The following CROCC2 variants were observed in gnomAD, a reference collection of about 807,000 sequenced individuals.
The protein encoded by CROCC2 is ciliary rootlet coiled-coil protein 2.
In CROCC2, 163 loss-of-function variants were observed where a neutral mutation model predicts 177.6. That is an observed-to-expected ratio of 0.92 (90% confidence interval 0.81 to 1.05). The LOEUF is 1.05. CROCC2 is among the 50% of genes least tolerant of loss of function. The pLI is 0.00. For synonymous variants in CROCC2, 904 were observed against 787.3 expected (o/e 1.15, Z -2.48); for missense variants, 1,929 against 1,797.8 (o/e 1.07, Z -1.32).
intron 18 of CROCC2, among the ~76,000 whole-genome samples, chr2:240,952,240 G>A (rs1187067978): frequency 1.3e-5 from 2 of 150,886 alleles, no homozygotes; most frequent in Non-Finnish European, 2.9e-5. Context: ...CCAGCTACTC[G>A]GGAGGCTGAG....
At chr2:240,922,487 G>C (rs4514870) in intron 3 of CROCC2, 52 bp from the exon 4 acceptor site, 282,698 of 652,496 alleles carry the variant, frequency 0.43, 64,139 homozygotes, top group Admixed American at 0.51. Context: ...CCCAGCCCCT[G>C]CCTGGCGGGT....
intron 11 of CROCC2, 135 bp downstream of exon 11, chr2:240,933,987 G>A: frequency 1.0e-6 from 1 of 979,924 alleles, no homozygotes; most frequent in Non-Finnish European, 1.5e-6. Context: ...GCCCTAACAG[G>A]GCAGGGGCGG....
rs2059733652 is a variant in CROCC2 at position 240,973,114 on chromosome 2, C to G, written c.4401+4852C>G. On this transcript the variant is annotated intron_variant, in intron 27 of 31. Transcript: ENST00000690015. The surrounding 1 kb of genome is among the most constrained non-coding windows in gnomAD (Gnocchi z 4.7). Reference sequence around the variant, plus strand: ...CCTTTGACACAACTTCTTTTGCTTTCATGGGTTGGTTTTTCCCCTGTTTCA... The same window carrying G: ...CCTTTGACACAACTTCTTTTGCTTTGATGGGTTGGTTTTTCCCCTGTTTCA... Among the ~76,000 whole-genome samples the G allele has an allele frequency of 6.6e-6, 1 of 152,214 alleles. No homozygotes were observed. Among genetic ancestry groups the G allele is most frequent in the Non-Finnish European group, 1.5e-5 (1 of 68,036 alleles).
intron 3 of CROCC2, among the ~76,000 whole-genome samples, 174 bp from the exon 4 acceptor site, chr2:240,922,365 G>C (rs996256415): frequency 6.6e-6 from 1 of 152,228 alleles, no homozygotes; most frequent in East Asian, 1.9e-4. Context: ...GCCACCTGTC[G>C]GGTTCATTGT....
At position 240,946,250 on chromosome 2, in the gene CROCC2, T is replaced by G; in HGVS notation, c.2360T>G (p.Leu787Arg). 1 of 1,527,454 alleles carries G rather than the reference T, an allele frequency of 6.5e-7. No individual in the cohort carries two copies. Among genetic ancestry groups the G allele is most frequent in the South Asian group, 1.2e-5 (1 of 82,798 alleles). The allele number at this position is 1,527,454 out of a possible 1,614,324, so 94.6% of individuals were successfully genotyped here. ...GRLAAEEAAD[L>R]RVERDSLESS... The stretch of plus-strand genomic sequence containing the variant: ...CTCGCAGCTGAAGAGGCAGCTGATC[T>G]CAGGTATGCAAGGGCCTGCCAGTCA... Residue 787 changes from leucine (L) to arginine (R), a missense_variant, in exon 15 of 32, where the codon CTC (leucine) becomes CGC (arginine). Leu to Arg is a moderately radical substitution (Grantham distance 102). This residue lies in a region of CROCC2 where 1,397 missense variants were observed against 1,239.9 expected (regional missense o/e 1.13). Transcript: ENST00000690015.
chr2:240,937,452 C>G (rs1440875515), intron 14 of CROCC2, among the ~76,000 whole-genome samples: 1 of 152,114 alleles, frequency 6.6e-6, no homozygotes, highest in Non-Finnish European at 1.5e-5. Context: ...TGACTATTTT[C>G]CCCAAGGTTG....
chr2:240,919,187 C>T (rs1405453463), intron 2 of CROCC2, among the ~76,000 whole-genome samples: 1 of 152,020 alleles, frequency 6.6e-6, no homozygotes, highest in Non-Finnish European at 1.5e-5. Context: ...GCGTGGGGGA[C>T]AGTCCTGGGC....
rs754121772 is a variant in CROCC2 at position 240,988,822 on chromosome 2, C to T, written c.4635C>T (p.Ser1545=). 19 of 1,511,542 alleles carry T rather than the reference C, an allele frequency of 1.3e-5. No individual in the cohort carries two copies. The South Asian group carries it at 2.2e-4, about 17-fold the overall frequency. 93.6% of individuals were successfully genotyped at this position (1,511,542 alleles called of 1,614,324 possible). Reference sequence around the variant, plus strand: ...AGCAGCTGGACCAGTCTCTGAACAGCCTGCACCAGGAGGTGGACGGAGCCC... The same window carrying T: ...AGCAGCTGGACCAGTCTCTGAACAGTCTGCACCAGGAGGTGGACGGAGCCC... ...EKEQLDQSLN[S]LHQEVDGALR... is the part of the protein sequence containing the mutation. Residue 1545 remains serine, a synonymous_variant, in exon 29 of 32, where the codon AGC becomes AGT. Coordinates refer to ENST00000690015, the MANE Select transcript of CROCC2 (RefSeq NM_001351305.2).
At position 240,965,713 on chromosome 2, in the gene CROCC2, C is replaced by T. The variant is rs1218955656; in HGVS notation, c.3681C>T (p.Leu1227=). 1 of 1,547,830 alleles carries T rather than the reference C, an allele frequency of 6.5e-7. No homozygotes were observed. The highest frequency in any genetic ancestry group is 2.0e-5 in the Admixed American group (1 of 50,652). Residue 1227 remains leucine, a synonymous_variant, in exon 24 of 32, where the codon CTC becomes CTT. Coordinates refer to ENST00000690015, the MANE Select transcript of CROCC2 (RefSeq NM_001351305.2). ...EAHGQRLQEH[L]RESRGAEQTL... ...ATGGACAGCGGCTCCAGGAGCACCT[C>T]CGTGAGAGCCGGGGGGCTGAGCAGA...
In CROCC2 at chr2:240,922,609, A is replaced by G. The variant is rs1049148070; in HGVS notation, c.452A>G (p.Glu151Gly). The part of the protein sequence containing the change: ...RSELEHSVDL[E>G]EALGRLEAAE... ...GAGCTGGAGCACAGCGTGGATCTGG[A>G]GGAGGCCCTTGGCCGTCTGGAGGCT... Residue 151 changes from glutamate (E) to glycine (G), a missense_variant, in exon 4 of 32, where the codon GAG becomes GGG. By Grantham distance (98) the Glu-to-Gly change is moderately conservative (BLOSUM62 -2). Transcript: ENST00000690015. 2 of 679,278 alleles carry G rather than the reference A, an allele frequency of 2.9e-6. No homozygotes were observed. Among genetic ancestry groups the G allele is most frequent in the Non-Finnish European group, 5.5e-6 (2 of 363,156 alleles). 42.1% of individuals were successfully genotyped at this position (679,278 alleles called of 1,614,324 possible). A position where few individuals can be genotyped will look rare whatever the true frequency, so the allele number is the denominator to read the frequency against.
chr2:240,928,241 G>A (rs1479801492), intron 5 of CROCC2, among the ~76,000 whole-genome samples: 1 of 152,158 alleles, frequency 6.6e-6, no homozygotes, highest in Non-Finnish European at 1.5e-5. Flanking sequence ...GATGCCAAGG[G>A]GCTCTAACAG....
chr2:240,948,527 G>A (rs1359392400), intron 15 of CROCC2, among the ~76,000 whole-genome samples: 2 of 152,234 alleles, frequency 1.3e-5, no homozygotes, highest in Non-Finnish European at 2.9e-5. Context: ...CCAGCACAGG[G>A]CAGCGAACAG....
At chr2:240,925,086 T>A (rs2059387294) in intron 4 of CROCC2, among the ~76,000 whole-genome samples, 1 of 151,566 alleles carries the variant, frequency 6.6e-6, no homozygotes, top group South Asian at 2.1e-4. Flanking sequence ...GGAGGTTAAG[T>A]TGTCTATAGA....
chr2:240,925,573 G>A lies in CROCC2; in HGVS notation c.489-151G>A, dbSNP rs368346829. On this transcript the variant is annotated intron_variant, in intron 4 of 31. Transcript: ENST00000690015. ...GTCCTTTGTGGGGCCCATGGCAGGT[G>A]GGGGCAGAGCAGCGGCTGTGCACCT... 4 of 600,390 alleles carry A rather than the reference G, an allele frequency of 6.7e-6. No individual in the cohort carries two copies. In the African/African-American group the frequency reaches 7.5e-5, roughly 11 times the overall value. 37.2% of individuals were successfully genotyped at this position (600,390 alleles called of 1,614,324 possible).
At position 240,955,845 on chromosome 2, in the gene CROCC2, C is replaced by A; in HGVS notation, c.2830-14C>A. ...CTCCCCAACTTTCTCACAAGCATACCCCGTCCTGTTCAGGCCCTGTCCCTG... is the reference window on the plus strand; with the variant it reads ...CTCCCCAACTTTCTCACAAGCATACACCGTCCTGTTCAGGCCCTGTCCCTG... On this transcript the variant is annotated splice_polypyrimidine_tract_variant and intron_variant, in intron 18 of 31. Transcript: ENST00000690015. 1 of 1,526,576 alleles carries A rather than the reference C, an allele frequency of 6.6e-7. No homozygotes were observed. Among genetic ancestry groups the A allele is most frequent in the South Asian group, 1.2e-5 (1 of 83,802 alleles). 94.6% of individuals were successfully genotyped at this position (1,526,576 alleles called of 1,614,324 possible).
At chr2:240,944,232 A>G (rs1274463603) in intron 14 of CROCC2, among the ~76,000 whole-genome samples, 1 of 152,132 alleles carries the variant, frequency 6.6e-6, no homozygotes, top group Admixed American at 6.5e-5. Flanking sequence ...TTTGTTTTTT[A>G]AAAAACATTT....
intron 28 of CROCC2, among the ~76,000 whole-genome samples, chr2:240,986,554 A>G (rs1207123933): frequency 6.6e-6 from 1 of 151,972 alleles, no homozygotes; most frequent in Non-Finnish European, 1.5e-5. Context: ...ACCCATCCAC[A>G]AGCTCCCACC....
chr2:240,950,341 T>C lies in CROCC2; in HGVS notation c.2660T>C (p.Leu887Pro), dbSNP rs370151978. The C allele has an allele frequency of 1.0e-5, 16 of 1,549,590 alleles. No homozygotes were observed. The East Asian group carries it at 2.0e-4, about 19-fold the overall frequency. ...CCCTTTACCTTGGCCCAGGAGACCCTGAGCCTGACCCTGGCAGAGGAGAAG... is the reference window on the plus strand; with the variant it reads ...CCCTTTACCTTGGCCCAGGAGACCCCGAGCCTGACCCTGGCAGAGGAGAAG... ...LAQLQREKET[L>P]SLTLAEEKEV... Residue 887 changes from leucine to proline, a missense_variant, in exon 18 of 32, where the codon CTG becomes CCG. Leu to Pro is a moderately conservative substitution (Grantham distance 98, BLOSUM62 -3). Transcript: ENST00000690015.
At position 240,933,122 on chromosome 2, in the gene CROCC2, C is replaced by T. The variant is rs1574758835; in HGVS notation, c.1252-9C>T. 6.5e-7 allele frequency: 1 copy of T among 1,550,102 alleles called. No individual in the cohort carries two copies. The highest frequency in any genetic ancestry group is 8.7e-7 in the Non-Finnish European group (1 of 1,146,868). ...CCAGAGAGGCCCACAACTTACCCCA[C>T]CCGAGCAGGAGCTGTGCCTGCAGCT... On this transcript the variant is annotated splice_polypyrimidine_tract_variant and intron_variant, in intron 9 of 31. Transcript: ENST00000690015.
Sources: gnomAD v4.1 joint callset for allele counts (sites outside exome capture counted in the v4.1 genomes callset) on GRCh38, gnomAD v4.1.1 for gene constraint, gnomAD v4.1.1 regional missense constraint, Gnocchi (gnomAD v3.1) non-coding constraint, MANE v1.5 for transcripts, NCBI Gene and HGNC (gene_info 2026-07-23, HGNC 2026-07-21) for gene names.